CDH8: variants seen among roughly 807,000 people sequenced by gnomAD.
The protein encoded by CDH8 is cadherin 8.
CDH8 carries 17 observed loss-of-function variants against 68.1 expected under a neutral mutation model. The observed-to-expected ratio is 0.25, with a 90% CI of 0.17 to 0.37. CDH8 has a LOEUF of 0.37. Ranked by LOEUF, CDH8 falls within the 10% of genes least tolerant of loss-of-function variation. The pLI, the probability that CDH8 is intolerant of heterozygous loss-of-function variation, is 1.00. For synonymous variants in CDH8, 372 were observed against 365.1 expected (o/e 1.02, Z -0.21); for missense variants, 763 against 999.3 (o/e 0.76, Z 3.19).
rs751688372 is a variant in CDH8, at chr16:61,650,786, C to T, written c.*2822G>A. 4.6e-5 allele frequency: 7 copies of T among 151,492 alleles called. No homozygotes were observed. The highest frequency in any genetic ancestry group is 6.6e-5 in the Admixed American group (1 of 15,144). The allele number at this position is 151,492 out of a possible 1,614,324, so 9.4% of individuals were successfully genotyped here. ...GATTTTTAGTTTAATTCATGACACTCTAAAAGTATAGGTCAATCTTATTAG... is the reference window on the plus strand; with the variant it reads ...GATTTTTAGTTTAATTCATGACACTTTAAAAGTATAGGTCAATCTTATTAG... On this transcript the variant is annotated 3_prime_UTR_variant, in exon 12 of 12. Coordinates refer to ENST00000577390, the MANE Select transcript of CDH8 (RefSeq NM_001796.5).
At chr16:61,966,957 C>T (rs941804827) in intron 2 of CDH8, among the ~76,000 whole-genome samples, 9 of 152,122 alleles carry the variant, frequency 5.9e-5, no homozygotes, top group African/African-American at 2.2e-4. Context: ...GTAATCCCAA[C>T]ACTTTGGGAG....
intron 3 of CDH8, among the ~76,000 whole-genome samples, chr16:61,876,957 G>A (rs1963473929): frequency 6.6e-6 from 1 of 152,100 alleles, no homozygotes; most frequent in African/African-American, 2.4e-5. Flanking sequence ...CCACTTCACT[G>A]TACCATCATG....
intron 2 of CDH8, among the ~76,000 whole-genome samples, chr16:62,001,280 T>C (rs1196022748): frequency 2.0e-5 from 3 of 152,162 alleles, no homozygotes; most frequent in East Asian, 3.9e-4. Flanking sequence ...TAGCAACTCA[T>C]TCAAGATGGA....
chr16:61,840,055 T>C (rs1962649566), intron 4 of CDH8, among the ~76,000 whole-genome samples: 1 of 152,106 alleles, frequency 6.6e-6, no homozygotes, highest in African/African-American at 2.4e-5. Context: ...GCTCCAATCT[T>C]CCCACACTAA....
At chr16:61,733,531 A>G (rs1959593921) in intron 8 of CDH8, among the ~76,000 whole-genome samples, 1 of 152,028 alleles carries the variant, frequency 6.6e-6, no homozygotes, top group Non-Finnish European at 1.5e-5. Flanking sequence ...AAAGGAAACT[A>G]TCAAATAAAG....
chr16:61,740,088 A>G (rs1959823253), intron 8 of CDH8, among the ~76,000 whole-genome samples: 1 of 151,266 alleles, frequency 6.6e-6, no homozygotes, highest in Admixed American at 6.6e-5. Context: ...TTTGAATTTT[A>G]GTAGAGATGG....
At chr16:61,892,868 C>T (rs1963801883) in intron 3 of CDH8, among the ~76,000 whole-genome samples, 1 of 152,096 alleles carries the variant, frequency 6.6e-6, no homozygotes. Context: ...TAAAGAGATA[C>T]ATTCCTCACT....
At chr16:61,687,324 A>G (rs1410103687) in intron 10 of CDH8, among the ~76,000 whole-genome samples, 1 of 152,010 alleles carries the variant, frequency 6.6e-6, no homozygotes, top group African/African-American at 2.4e-5. Flanking sequence ...TACTGTACAC[A>G]TACAGATTTT....
intron 10 of CDH8, among the ~76,000 whole-genome samples, chr16:61,684,693 G>C (rs1031742181): frequency 6.6e-6 from 1 of 151,974 alleles, no homozygotes; most frequent in African/African-American, 2.4e-5. Flanking sequence ...TACTGCAGGA[G>C]GTGCTGACCT....
chr16:61,890,786 G>C (rs1963761611), intron 3 of CDH8, among the ~76,000 whole-genome samples: 1 of 151,698 alleles, frequency 6.6e-6, no homozygotes, highest in African/African-American at 2.4e-5. Flanking sequence ...ATTTTTATTG[G>C]ATAGTGACTG....
intron 3 of CDH8, 40 bp from the exon 4 acceptor site, chr16:61,857,278 A>T (rs1385780901): frequency 6.4e-7 from 1 of 1,566,482 alleles, no homozygotes; most frequent in Non-Finnish European, 8.7e-7. Flanking sequence ...TAATTAACAC[A>T]TTGTCCTTTG....
At chr16:61,756,637 TTAAA>T (rs1192559984) in intron 8 of CDH8, among the ~76,000 whole-genome samples, 3 of 152,192 alleles carry the variant, frequency 2.0e-5, no homozygotes, top group Admixed American at 6.5e-5. Flanking sequence ...TCCCAGCAAA[TTAAA>T]TAGAGAACAT....
chr16:61,997,420 A>G (rs1489897308), intron 2 of CDH8, among the ~76,000 whole-genome samples: 1 of 152,150 alleles, frequency 6.6e-6, no homozygotes, highest in Non-Finnish European at 1.5e-5. Flanking sequence ...TGCTCCTACC[A>G]TATTTTTATC....
At chr16:61,694,023 C>G (rs1408545556) in intron 10 of CDH8, among the ~76,000 whole-genome samples, 1 of 152,092 alleles carries the variant, frequency 6.6e-6, no homozygotes, top group Admixed American at 6.5e-5. Context: ...AACCCCACCT[C>G]ACAAATGAAG....
intron 6 of CDH8, among the ~76,000 whole-genome samples, chr16:61,819,904 CA>C (rs1379498354): frequency 1.6e-4 from 25 of 152,112 alleles, no homozygotes; most frequent in African/African-American, 6.0e-4. Flanking sequence ...GTTTGAAGAA[CA>C]ATATTGAAGA....
intron 2 of CDH8, among the ~76,000 whole-genome samples, chr16:61,964,990 T>C (rs1490660465): frequency 6.6e-6 from 1 of 152,134 alleles, no homozygotes; most frequent in East Asian, 1.9e-4. Flanking sequence ...CTCTTATACA[T>C]CTAGTTCTTT....
intron 10 of CDH8, among the ~76,000 whole-genome samples, chr16:61,685,421 G>A (rs781462605): frequency 3.3e-5 from 5 of 151,870 alleles, no homozygotes; most frequent in African/African-American, 1.2e-4. Flanking sequence ...TCTGGAAGAG[G>A]GAAGGGAAAA....
At chr16:61,830,978 G>C (rs1244620292) in intron 4 of CDH8, among the ~76,000 whole-genome samples, 1 of 151,688 alleles carries the variant, frequency 6.6e-6, no homozygotes, top group East Asian at 1.9e-4. Context: ...TAATCAGCTA[G>C]CCTTGGACTA....
At chr16:61,885,468 G>T (rs1963655168) in intron 3 of CDH8, among the ~76,000 whole-genome samples, 1 of 152,112 alleles carries the variant, frequency 6.6e-6, no homozygotes, top group Non-Finnish European at 1.5e-5. Context: ...ACATCACATG[G>T]TCTCACTTGC....
Sources: allele counts gnomAD v4.1 joint callset (sites outside exome capture counted in the v4.1 genomes callset), GRCh38; gene constraint gnomAD v4.1.1; transcripts MANE v1.5; gene names NCBI Gene and HGNC (gene_info 2026-07-23, HGNC 2026-07-21).